MAML3: variants seen among roughly 807,000 people sequenced by gnomAD.
MAML3 encodes the protein mastermind like transcriptional coactivator 3.
A neutral mutation model predicts 101.9 loss-of-function variants in MAML3; 27 were observed. That is an observed-to-expected ratio of 0.27 (90% CI 0.20 to 0.37). The LOEUF (loss-of-function observed/expected upper bound fraction) is 0.37, where lower values mean the gene tolerates loss of function less well. MAML3 is among the 10% of genes least tolerant of loss of function. The pLI is 1.00. For missense variants in MAML3, 1,316 were observed against 1,444.9 expected (o/e 0.91, Z 1.45); for synonymous variants, 501 against 555.9 (o/e 0.90, Z 1.39).
intron 2 of MAML3, among the ~76,000 whole-genome samples, chr4:139,838,611 A>G (rs1041907328): frequency 6.6e-6 from 1 of 152,098 alleles, no homozygotes; most frequent in African/African-American, 2.4e-5. Flanking sequence ...TGAATCAAAA[A>G]TTTTTATTCC....
intron 2 of MAML3, among the ~76,000 whole-genome samples, chr4:139,812,367 A>T (rs1730819726): frequency 6.6e-6 from 1 of 152,150 alleles, no homozygotes; most frequent in Non-Finnish European, 1.5e-5. Flanking sequence ...GAAGTCGTAG[A>T]CCCTGAGACC....
chr4:139,879,818 C>A (rs1328829124), intron 2 of MAML3, among the ~76,000 whole-genome samples: 2 of 152,156 alleles, frequency 1.3e-5, no homozygotes, highest in Non-Finnish European at 2.9e-5. Context: ...GCTCTCTCAG[C>A]AAACAAGAAT....
Position 139,890,314 on chromosome 4 carries a change from G to C in MAML3, c.1122C>G (p.Pro374=), listed in dbSNP as rs371242387. 12 of 1,613,000 alleles carry C rather than the reference G, an allele frequency of 7.4e-6. 1 individual carries two copies. The South Asian group carries it at 1.3e-4, about 18-fold the overall frequency. The change falls in exon 2 of 5, where the codon CCC becomes CCG. Residue 374 remains proline, a synonymous_variant. Transcript: ENST00000509479. This position sits in a 1 kb window ranked among gnomAD's most constrained non-coding sequence, Gnocchi z 4.1. ...GACCAGAAGAAGAAGGCCTCGCCTG[G>C]GGAGATCCCATGGAGACATGTGCGA... ...SPFAHVSMGS[P]QARPSSSGPP...
intron 2 of MAML3, among the ~76,000 whole-genome samples, chr4:139,811,100 T>C (rs771550952): frequency 6.6e-6 from 1 of 152,214 alleles, no homozygotes; most frequent in African/African-American, 2.4e-5. Context: ...ACTGACATTG[T>C]GCATCAGTTA....
chr4:140,098,134 G>T (rs1172940806), intron 1 of MAML3, among the ~76,000 whole-genome samples: 1 of 152,146 alleles, frequency 6.6e-6, no homozygotes, highest in Non-Finnish European at 1.5e-5. Context: ...CAAAAACTGG[G>T]AGAACTTCTA....
intron 1 of MAML3, among the ~76,000 whole-genome samples, chr4:139,986,736 G>A (rs946274561): frequency 1.3e-5 from 2 of 151,972 alleles, no homozygotes; most frequent in African/African-American, 2.4e-5. Flanking sequence ...AGCCTCCCTT[G>A]CCTTCCCCTG....
intron 1 of MAML3, among the ~76,000 whole-genome samples, chr4:139,947,272 C>T (rs1294399763): frequency 4.6e-5 from 7 of 152,080 alleles, no homozygotes; most frequent in African/African-American, 1.7e-4. Flanking sequence ...TGGCATTTTC[C>T]TTCTTGCTCT....
chr4:139,849,970 C>T (rs1019077388), intron 2 of MAML3, among the ~76,000 whole-genome samples: 2 of 152,088 alleles, frequency 1.3e-5, no homozygotes, highest in African/African-American at 4.8e-5. Context: ...GACCTTTATA[C>T]TATATAAAAA....
intron 1 of MAML3, among the ~76,000 whole-genome samples, chr4:139,926,723 A>C (rs776689108): frequency 6.6e-6 from 1 of 152,272 alleles, no homozygotes; most frequent in Non-Finnish European, 1.5e-5. Context: ...AAAGTTGCAG[A>C]GTACAAAGCT....
intron 2 of MAML3, among the ~76,000 whole-genome samples, chr4:139,882,339 G>A (rs532285365): frequency 7.2e-4 from 109 of 151,470 alleles, no homozygotes; most frequent in African/African-American, 2.5e-3. Context: ...TTTAAAAAGT[G>A]CATAGTACTA....
chr4:140,008,503 T>C lies in MAML3; in HGVS notation c.469-117536A>G, dbSNP rs371367768. 6.3e-4 allele frequency among the ~76,000 whole-genome samples: 96 copies of C among 152,344 alleles called. No individual in the cohort carries two copies. The East Asian group carries it at 9.6e-3, about 15-fold the overall frequency. On this transcript the variant is annotated intron_variant, in intron 1 of 4. Transcript: ENST00000509479. Reference sequence around the variant, plus strand: ...TATCAGGAACACGGTTTACAGCCTATCATTCCCTTTTGACATTGGTCCCTG... The same window carrying C: ...TATCAGGAACACGGTTTACAGCCTACCATTCCCTTTTGACATTGGTCCCTG...
chr4:139,801,643 G>GGTGTGTGTGTGTGT (rs755484864), intron 2 of MAML3, among the ~76,000 whole-genome samples: 2 of 30,770 alleles, frequency 6.5e-5, no homozygotes, highest in East Asian at 1.2e-3. Context: ...GGTGTGTGTG[G>GGTGTGTGTGTGTGT]GTGTGTGTGT....
In MAML3 at chr4:139,946,925, A is replaced by ACACACT. The variant is rs1335985003; in HGVS notation, c.469-55959_469-55958insAGTGTG. 5.9e-3 allele frequency among the ~76,000 whole-genome samples: 403 copies of ACACACT among 68,164 alleles called. 1 individual carries two copies. The highest frequency in any genetic ancestry group is 0.024 in the African/African-American group (360 of 15,022). The allele number at this position is 68,164 out of a possible 152,430, so 44.7% of individuals were successfully genotyped here. A position where few individuals can be genotyped will look rare whatever the true frequency, so the allele number is the denominator to read the frequency against. ...CACACACACACACACACACACACACACTCTCTCTCTCTCTCTCTCTCTCTC... is the reference window on the plus strand; with the variant it reads ...CACACACACACACACACACACACACACACACTCTCTCTCTCTCTCTCTCTCTCTCTC... On this transcript the variant is annotated intron_variant, in intron 1 of 4. Transcript: ENST00000509479.
chr4:139,887,588 A>C (rs1433211497), intron 2 of MAML3, among the ~76,000 whole-genome samples: 2 of 152,236 alleles, frequency 1.3e-5, no homozygotes, highest in Non-Finnish European at 2.9e-5. Flanking sequence ...ACTTGTCCCA[A>C]GTTGGCACAT....
chr4:139,917,917 T>C (rs1695396356), intron 1 of MAML3, among the ~76,000 whole-genome samples: 2 of 152,248 alleles, frequency 1.3e-5, no homozygotes, highest in Admixed American at 6.5e-5. Context: ...GACATCTTCC[T>C]TTACTTTACA....
Position 139,889,739 on chromosome 4 carries a change from A to T in MAML3, c.1697T>A (p.Met566Lys). ...GTGATTCTGAGGGAGGTAGTTATTC[A>T]TTGTTGTCTTCTGCAGGTTGTTTGC... ...PMANNLQKTT[M>K]NNYLPQNHMN... The change falls in exon 2 of 5, where the codon ATG (methionine) becomes AAG (lysine). Residue 566 changes from methionine (M) to lysine (K), a missense_variant. Physicochemically the swap from Met to Lys is moderately conservative, Grantham distance 95 (BLOSUM62 -1). Coordinates refer to ENST00000509479, the MANE Select transcript of MAML3 (RefSeq NM_018717.5). The T allele has an allele frequency of 6.2e-7, 1 of 1,613,914 alleles. No individual in the cohort carries two copies. Among genetic ancestry groups the T allele is most frequent in the Non-Finnish European group, 8.5e-7 (1 of 1,179,870 alleles).
intron 2 of MAML3, among the ~76,000 whole-genome samples, chr4:139,846,574 C>T (rs1161554349): frequency 6.6e-6 from 1 of 152,154 alleles, no homozygotes; most frequent in East Asian, 1.9e-4. Flanking sequence ...TCTCGAACTC[C>T]TGGGCTCAAG....
rs190158939 is a variant in MAML3, at chr4:140,032,453, G to A, written c.468+120407C>T. Among the ~76,000 whole-genome samples, 51 of 152,266 alleles carry A rather than the reference G, an allele frequency of 3.3e-4. 1 individual carries two copies. Among genetic ancestry groups the A allele is most frequent in the African/African-American group, 1.0e-3 (42 of 41,558 alleles). ...TTCTGCTTTTAAGGAAAGTGAAATT[G>A]TTAATTGGTTTTAGTAAACCAGATA... On this transcript the variant is annotated intron_variant, in intron 1 of 4. Coordinates refer to ENST00000509479, the MANE Select transcript of MAML3 (RefSeq NM_018717.5).
At chr4:139,925,522 AT>A (rs1733205047) in intron 1 of MAML3, among the ~76,000 whole-genome samples, 1 of 144,826 alleles carries the variant, frequency 6.9e-6, no homozygotes, top group Non-Finnish European at 1.5e-5. Flanking sequence ...GAGCCACTGG[AT>A]CCGGCCCCAG....
Sources: allele counts gnomAD v4.1 joint callset (sites outside exome capture counted in the v4.1 genomes callset), GRCh38; gene constraint gnomAD v4.1.1; non-coding constraint Gnocchi (gnomAD v3.1); transcripts MANE v1.5; gene names NCBI Gene and HGNC (gene_info 2026-07-23, HGNC 2026-07-21).